Variants in KCNQ4 observed in about 807,000 individuals in gnomAD.
KCNQ4 encodes potassium voltage-gated channel subfamily Q member 4, also known as potassium voltage-gated channel subfamily KQT member 4.
A neutral mutation model predicts 72.6 loss-of-function variants in KCNQ4; 31 were observed. The ratio of observed to expected loss-of-function variants is 0.43; its 90% confidence interval spans 0.32 to 0.58. The LOEUF is 0.58. Ranked by LOEUF, KCNQ4 falls within the 20% of genes least tolerant of loss-of-function variation. KCNQ4 has a pLI of 0.08. For missense variants in KCNQ4, 869 were observed against 962.6 expected, an observed-to-expected ratio of 0.90 and a Z score of 1.29; for synonymous variants, 405 against 403.7, an observed-to-expected ratio of 1.00 and a Z score of -0.04.
At chr1:40,824,894 C>T (rs901557419) in intron 9 of KCNQ4, among the ~76,000 whole-genome samples, 9 of 152,208 alleles carry the variant, frequency 5.9e-5, no homozygotes, top group African/African-American at 1.9e-4. Context: ...GTTCTGTTTC[C>T]TTCCTTACTG....
chr1:40,826,617 G>A (rs1478981875), intron 9 of KCNQ4: 2 of 455,072 alleles, frequency 4.4e-6, no homozygotes, highest in Admixed American at 4.7e-5. Context: ...CTCTGTTCGT[G>A]TCTTATTCTC....
intron 11 of KCNQ4, among the ~76,000 whole-genome samples, chr1:40,833,591 G>T (rs1041583855): frequency 5.3e-5 from 8 of 152,146 alleles, no homozygotes; most frequent in African/African-American, 1.9e-4. Context: ...TCCATCTCCA[G>T]CCTGCAGCTC....
chr1:40,819,956 C>G lies in KCNQ4; in HGVS notation c.916C>G (p.Leu306Val), dbSNP rs906164330. The G allele has an allele frequency of 6.2e-7, 1 of 1,614,204 alleles. No individual in the cohort carries two copies. Residue 306 changes from leucine (L) to valine (V), a missense_variant, in exon 6 of 14, where the codon CTG becomes GTG. This residue lies in a region of KCNQ4 where 13 missense variants were observed against 46.0 expected (regional missense o/e 0.28). Transcript: ENST00000347132. ...GRVLAAGFALLGISFFALPAG... is the reference protein window; with the variant it reads ...GRVLAAGFALVGISFFALPAG... ...GGTCCTGGCTGCTGGCTTCGCCTTA[C>G]TGGGCATCTCTTTCTTTGCCCTGCC...
chr1:40,838,483 C>A lies in KCNQ4; in HGVS notation c.2048C>A (p.Thr683Lys), dbSNP rs931749137. 5 of 1,614,156 alleles carry A rather than the reference C, an allele frequency of 3.1e-6. No individual in the cohort carries two copies. The East Asian group carries it at 8.9e-5, about 29-fold the overall frequency. ...GAGGACATCTCCGTCTCCGCACAGA[C>A]GCTCAGCATCTCCCGCTCGGTCAGC... ...DHEDISVSAQ[T>K]LSISRSVSTN... Residue 683 changes from threonine (T) to lysine (K), a missense_variant, in exon 14 of 14, where the codon ACG becomes AAG. Transcript: ENST00000347132.
At chr1:40,797,988 T>C (rs1310607152) in intron 1 of KCNQ4, among the ~76,000 whole-genome samples, 1 of 152,062 alleles carries the variant, frequency 6.6e-6, no homozygotes, top group Non-Finnish European at 1.5e-5. Flanking sequence ...AGTGGCCTTA[T>C]AATGGCTCCA....
At chr1:40,824,352 T>G in intron 9 of KCNQ4, 94 bp downstream of exon 9, 4 of 1,375,714 alleles carry the variant, frequency 2.9e-6, no homozygotes, top group Non-Finnish European at 4.0e-6. Flanking sequence ...CTTCAGCCAC[T>G]TCGTGGGTGT....
intron 1 of KCNQ4, among the ~76,000 whole-genome samples, chr1:40,790,515 C>T (rs976120754): frequency 1.3e-5 from 2 of 152,174 alleles, no homozygotes; most frequent in Admixed American, 6.5e-5. Context: ...TCCTGTGGGC[C>T]CTGCCCATGA....
At chr1:40,826,352 G>A (rs1313803903) in intron 9 of KCNQ4, among the ~76,000 whole-genome samples, 4 of 152,208 alleles carry the variant, frequency 2.6e-5, no homozygotes, top group Admixed American at 6.5e-5. Context: ...ATCCCATGGA[G>A]TGTTTGTTCA....
At chr1:40,819,833 C>A in intron 5 of KCNQ4, 42 bp from the exon 6 acceptor site, 1 of 1,488,332 alleles carries the variant, frequency 6.7e-7, no homozygotes. Context: ...CCGTAGGTGG[C>A]CCCCGTGACC....
chr1:40,820,101 C>G, intron 6 of KCNQ4, 64 bp from the exon 7 acceptor site: 3 of 1,532,494 alleles, frequency 2.0e-6, no homozygotes, highest in South Asian at 1.1e-5. Context: ...TGGGGACACC[C>G]TTGCAGCCTC....
intron 1 of KCNQ4, among the ~76,000 whole-genome samples, chr1:40,808,528 C>G (rs1647831490): frequency 6.6e-6 from 1 of 152,200 alleles, no homozygotes; most frequent in South Asian, 2.1e-4. Context: ...TCAGATCCCC[C>G]ACCCCACCCT....
chr1:40,803,236 A>C (rs529165438), intron 1 of KCNQ4, among the ~76,000 whole-genome samples: 8 of 152,290 alleles, frequency 5.3e-5, no homozygotes, highest in Admixed American at 3.9e-4. Flanking sequence ...GCTTCCCATT[A>C]GGGAAGCTGG....
At chr1:40,829,532 G>C (rs545368803) in intron 9 of KCNQ4, among the ~76,000 whole-genome samples, 1 of 152,046 alleles carries the variant, frequency 6.6e-6, no homozygotes, top group African/African-American at 2.4e-5. Context: ...CCCTGGTTTC[G>C]AGGTCTCCCT....
At position 40,818,647 on chromosome 1, in the gene KCNQ4, G is replaced by A. The variant is rs1648175859; in HGVS notation, c.675G>A (p.Lys225=). 6.2e-7 allele frequency: 1 copy of A among 1,606,126 alleles called. No individual in the cohort carries two copies. The highest frequency in any genetic ancestry group is 8.5e-7 in the Non-Finnish European group (1 of 1,179,126). ...TGGACCGCCGCGGCGGCACCTGGAA[G>A]CTGCTGGGCTCAGTGGTCTACGCGC... The part of the protein sequence containing the change: ...VRMDRRGGTW[K]LLGSVVYAHS... The change falls in exon 4 of 14, where the codon AAG becomes AAA. Residue 225 remains lysine (K), a synonymous_variant. Coordinates refer to ENST00000347132, the MANE Select transcript of KCNQ4 (RefSeq NM_004700.4).
chr1:40,802,765 C>A (rs1267335259), intron 1 of KCNQ4, among the ~76,000 whole-genome samples: 1 of 152,190 alleles, frequency 6.6e-6, no homozygotes, highest in Non-Finnish European at 1.5e-5. Flanking sequence ...TGAACCCAAG[C>A]CTTTCTGCAA....
In KCNQ4 at chr1:40,820,210, C is replaced by G; in HGVS notation, c.991C>G (p.Arg331Gly). 6.2e-7 allele frequency: 1 copy of G among 1,610,870 alleles called. No homozygotes were observed. Among genetic ancestry groups the G allele is most frequent in the Non-Finnish European group, 8.5e-7 (1 of 1,178,682 alleles). ...TGCCCTGAAGGTCCAGGAGCAGCAC[C>G]GGCAGAAGCACTTCGAGAAGCGGAG... ...GFALKVQEQHRQKHFEKRRMP... is the reference protein window; with the variant it reads ...GFALKVQEQHGQKHFEKRRMP... Residue 331 changes from arginine (R) to glycine (G), a missense_variant, in exon 7 of 14, where the codon CGG (arginine) becomes GGG (glycine). This residue lies in a region of KCNQ4 where 19 missense variants were observed against 26.4 expected (regional missense o/e 0.72). Transcript: ENST00000347132.
chr1:40,827,310 C>A (rs1428856327), intron 9 of KCNQ4, among the ~76,000 whole-genome samples: 1 of 152,186 alleles, frequency 6.6e-6, no homozygotes, highest in Admixed American at 6.5e-5. Flanking sequence ...AGGGAGGAAG[C>A]ACAGGGGCTG....
chr1:40,801,188 T>TG (rs1243228396), intron 1 of KCNQ4, among the ~76,000 whole-genome samples: 1 of 93,082 alleles, frequency 1.1e-5, no homozygotes, highest in African/African-American at 4.2e-5. Flanking sequence ...GGAAGGGGAA[T>TG]GGGGGTGAGT....
rs1209464226 is a variant in KCNQ4, at chr1:40,784,773, C to T, written c.314+366C>T. ...TGGGCGCCCTTTTCCTCTTCCCCAC[C>T]CCTGCCTCCCTGTGTCCCAGACACA... On this transcript the variant is annotated intron_variant, in intron 1 of 13. Coordinates refer to ENST00000347132, the MANE Select transcript of KCNQ4 (RefSeq NM_004700.4). This position sits in a 1 kb window ranked among gnomAD's most constrained non-coding sequence, Gnocchi z 4.1. Among the ~76,000 whole-genome samples, 1 of 152,178 alleles carries T rather than the reference C, an allele frequency of 6.6e-6. No homozygotes were observed. The highest frequency in any genetic ancestry group is 1.5e-5 in the Non-Finnish European group (1 of 68,024).
Sources: allele counts gnomAD v4.1 joint callset (sites outside exome capture counted in the v4.1 genomes callset), GRCh38; gene constraint gnomAD v4.1.1; regional missense constraint gnomAD v4.1.1; non-coding constraint Gnocchi (gnomAD v3.1); transcripts MANE v1.5; gene names NCBI Gene and HGNC (gene_info 2026-07-23, HGNC 2026-07-21).